Variants in PRR14L observed in about 807,000 individuals in gnomAD.
PRR14L encodes the protein protein PRR14L.
Under a neutral mutation model 155.0 loss-of-function variants are expected in PRR14L, and 80 were observed. That is an observed-to-expected ratio of 0.52 (90% CI 0.43 to 0.62). The LOEUF (loss-of-function observed/expected upper bound fraction) is 0.62. Ranked by LOEUF, PRR14L falls within the 20% of genes least tolerant of loss-of-function variation. PRR14L has a pLI of 0.00. For synonymous variants in PRR14L, 883 were observed against 916.0 expected (o/e 0.96, Z 0.65); for missense variants, 2,469 against 2,548.0 (o/e 0.97, Z 0.67).
intron 3 of PRR14L, among the ~76,000 whole-genome samples, chr22:31,720,397 G>A (rs131231): frequency 0.19 from 29,099 of 152,112 alleles, 3,545 homozygotes; most frequent in African/African-American, 0.34. Context: ...AAATTAGCCT[G>A]CTTTCCCTAT....
In PRR14L at chr22:31,716,714, T is replaced by G; in HGVS notation, c.1125A>C (p.Glu375Asp). ...EGGGLLKRSA[E>D]KTDSSYFYRG... The stretch of plus-strand genomic sequence containing the variant: ...TATAAAAATAAGAACTGTCTGTCTT[T>G]TCAGCAGATCTCTTTAGCAAACCAC... The change falls in exon 4 of 9, where the codon GAA becomes GAC. Residue 375 changes from glutamate (E) to aspartate (D), a missense_variant. Physicochemically the swap from Glu to Asp is conservative, Grantham distance 45 (BLOSUM62 2). Coordinates refer to ENST00000327423, the MANE Select transcript of PRR14L (RefSeq NM_173566.3). 1 of 1,551,824 alleles carries G rather than the reference T, an allele frequency of 6.4e-7. No individual in the cohort carries two copies. Among genetic ancestry groups the G allele is most frequent in the African/African-American group, 1.4e-5 (1 of 73,136 alleles).
Position 31,738,376 on chromosome 22 carries a change from T to G in PRR14L, c.474+11A>C. ...CACTCAACTCTTCGGAATGGAGATTTCATTTCTTACCTGACTCGGGCTAGT... is the reference window on the plus strand; with the variant it reads ...CACTCAACTCTTCGGAATGGAGATTGCATTTCTTACCTGACTCGGGCTAGT... On this transcript the variant is annotated intron_variant, in intron 2 of 8. Coordinates refer to ENST00000327423, the MANE Select transcript of PRR14L (RefSeq NM_173566.3). 6.5e-7 allele frequency: 1 copy of G among 1,547,726 alleles called. No homozygotes were observed. The highest frequency in any genetic ancestry group is 8.7e-7 in the Non-Finnish European group (1 of 1,143,656).
At chr22:31,733,909 CACACACACACACATACACCACACAA>C (rs929603889) in intron 2 of PRR14L, among the ~76,000 whole-genome samples, 34 of 152,066 alleles carry the variant, frequency 2.2e-4, no homozygotes, top group African/African-American at 7.5e-4. Flanking sequence ...CACCACCACA[CACACACACACACATACACCACACAA>C]ACACACACAC....
intron 7 of PRR14L, among the ~76,000 whole-genome samples, chr22:31,691,726 C>A (rs1447303817): frequency 6.6e-6 from 1 of 152,198 alleles, no homozygotes; most frequent in Non-Finnish European, 1.5e-5. Flanking sequence ...CTTTTCCTGG[C>A]TGAATAATAC....
Position 31,697,735 on chromosome 22 carries a change from A to G in PRR14L, c.6107+3921T>C, listed in dbSNP as rs181939549. On this transcript the variant is annotated intron_variant, in intron 7 of 8. Coordinates refer to ENST00000327423, the MANE Select transcript of PRR14L (RefSeq NM_173566.3). ...ACAAAAATTAGCTGGGCATGGTAGC[A>G]CATGCCTGTAGTCCCAGCTACTCAT... 1.9e-3 allele frequency among the ~76,000 whole-genome samples: 291 copies of G among 152,190 alleles called. 1 individual carries two copies. Among genetic ancestry groups the G allele is most frequent in the African/African-American group, 6.1e-3 (254 of 41,532 alleles).
At position 31,702,226 on chromosome 22, in the gene PRR14L, AT is replaced by A. The variant is rs544883876; in HGVS notation, c.6001-465del. On this transcript the variant is annotated intron_variant, in intron 6 of 8. Transcript: ENST00000327423. ...CACTTCTATTCCTGCTTTTTTTATT[AT>A]TTATTTATTTTTTTGATAGAGTTTT... is the stretch of plus-strand genomic sequence containing the variant. 1.5e-3 allele frequency among the ~76,000 whole-genome samples: 232 copies of A among 150,870 alleles called. 3 individuals carry two copies. The highest frequency in any genetic ancestry group is 9.9e-3 in the Admixed American group (151 of 15,208).
intron 1 of PRR14L, among the ~76,000 whole-genome samples, chr22:31,744,108 C>T (rs2074825966): frequency 6.7e-6 from 1 of 149,442 alleles, no homozygotes; most frequent in Admixed American, 6.7e-5. Flanking sequence ...ACCTTGAACT[C>T]CTTCTGCCTC....
intron 4 of PRR14L, among the ~76,000 whole-genome samples, chr22:31,710,509 G>A (rs780267768): frequency 2.7e-4 from 41 of 151,262 alleles, no homozygotes; most frequent in Non-Finnish European, 4.4e-4. Context: ...CTGGAGTGCC[G>A]TGGCGTGATC....
At chr22:31,717,742 T>G (rs2147865993) in intron 3 of PRR14L, among the ~76,000 whole-genome samples, 1 of 152,286 alleles carries the variant, frequency 6.6e-6, no homozygotes, top group Admixed American at 6.5e-5. Context: ...CAACTATACC[T>G]AAAACTTTAT....
chr22:31,711,107 G>A (rs934491613), intron 4 of PRR14L, among the ~76,000 whole-genome samples: 1 of 152,194 alleles, frequency 6.6e-6, no homozygotes, highest in Non-Finnish European at 1.5e-5. Flanking sequence ...TGTTACAAGC[G>A]ATTGTGTGTT....
chr22:31,737,681 T>C (rs1278835056), intron 2 of PRR14L, among the ~76,000 whole-genome samples: 1 of 151,596 alleles, frequency 6.6e-6, no homozygotes, highest in Admixed American at 6.6e-5. Context: ...CATAGCTCAC[T>C]ATTAGTCTCA....
At chr22:31,747,480 T>C (rs527287940) in intron 1 of PRR14L, among the ~76,000 whole-genome samples, 1 of 149,702 alleles carries the variant, frequency 6.7e-6, no homozygotes, top group South Asian at 2.1e-4. Flanking sequence ...TGCTCTCACA[T>C]ACTAGATGCA....
Position 31,716,329 on chromosome 22 carries a change from C to A in PRR14L, c.1510G>T (p.Gly504Cys). The A allele has an allele frequency of 1.3e-6, 2 of 1,551,590 alleles. No individual in the cohort carries two copies. Among genetic ancestry groups the A allele is most frequent in the Non-Finnish European group, 1.7e-6 (2 of 1,146,968 alleles). ...KETFTNMSHP[G>C]GHSEESSFSS... ...AAACTGCTTTCTTCAGAGTGTCCAC[C>A]AGGATGGCTCATATTAGTAAAAGTT... Residue 504 changes from glycine to cysteine, a missense_variant, in exon 4 of 9, where the codon GGT becomes TGT. Gly to Cys is a radical substitution (Grantham distance 159). This residue lies in a region of PRR14L where 2,363 missense variants were observed against 2,371.6 expected (regional missense o/e 1.00). Transcript: ENST00000327423.
At chr22:31,694,826 C>T in intron 7 of PRR14L, among the ~76,000 whole-genome samples, 1 of 150,538 alleles carries the variant, frequency 6.6e-6, no homozygotes. Flanking sequence ...GTGGCTCACG[C>T]CTATAATCCC....
chr22:31,748,943 G>A lies in PRR14L; in HGVS notation c.-52+1050C>T, dbSNP rs376381553. Among the ~76,000 whole-genome samples, 56 of 152,306 alleles carry A rather than the reference G, an allele frequency of 3.7e-4. No homozygotes were observed. The East Asian group carries it at 4.2e-3, about 12-fold the overall frequency. On this transcript the variant is annotated intron_variant, in intron 1 of 8. Coordinates refer to ENST00000327423, the MANE Select transcript of PRR14L (RefSeq NM_173566.3). Reference sequence around the variant, plus strand: ...CTCTTTCTCTAACCCCTAAGTGGGAGGGAGTCTTCCACTCCAGTGAGAAAG... The same window carrying A: ...CTCTTTCTCTAACCCCTAAGTGGGAAGGAGTCTTCCACTCCAGTGAGAAAG...
rs901487168 is a variant in PRR14L, at chr22:31,712,872, T to C, written c.4967A>G (p.Tyr1656Cys). The C allele has an allele frequency of 2.6e-6, 4 of 1,551,842 alleles. No individual in the cohort carries two copies. The highest frequency in any genetic ancestry group is 2.4e-5 in the South Asian group (2 of 84,072). Reference protein sequence around the residue: ...PMAKSYKRLRYKRLLDGFSSS... With the variant: ...PMAKSYKRLRCKRLLDGFSSS... The stretch of plus-strand genomic sequence containing the variant: ...TGAAAATCCGTCCAGGAGTCTTTTA[T>C]ATCTGAGGCGCTTGTAGCTTTTAGC... The change falls in exon 4 of 9, where the codon TAT (tyrosine) becomes TGT (cysteine). Residue 1656 changes from tyrosine (Y) to cysteine (C), a missense_variant. Around this residue, in one of 2 missense-constraint regions of PRR14L, gnomAD observed 2,363 missense variants for 2,371.6 expected, o/e 1.00. Coordinates refer to ENST00000327423, the MANE Select transcript of PRR14L (RefSeq NM_173566.3).
intron 7 of PRR14L, among the ~76,000 whole-genome samples, chr22:31,699,113 T>C (rs2074550518): frequency 6.6e-6 from 1 of 151,980 alleles, no homozygotes; most frequent in Non-Finnish European, 1.5e-5. Context: ...CTCGGCTCAC[T>C]GTAACCTCCG....
In PRR14L at chr22:31,744,182, G is replaced by A. The variant is rs569433191; in HGVS notation, c.-51-5271C>T. On this transcript the variant is annotated intron_variant, in intron 1 of 8. Transcript: ENST00000327423. ...AGTTTCGCTCTTGTTGCCCAGGCTGGAGTGCAACAGTGCGATCTTAGCTCA... is the reference window on the plus strand; with the variant it reads ...AGTTTCGCTCTTGTTGCCCAGGCTGAAGTGCAACAGTGCGATCTTAGCTCA... 7.9e-5 allele frequency among the ~76,000 whole-genome samples: 12 copies of A among 151,148 alleles called. No individual in the cohort carries two copies. In the East Asian group the frequency reaches 2.1e-3, roughly 27 times the overall value.
rs777182085 is a variant in PRR14L, at chr22:31,703,676, T to C, written c.5874A>G (p.Val1958=). ...FPALVPKSCL[V]AESAVSKLLL... Reference sequence around the variant, plus strand: ...GGAGCTTGCTGACAGCTGATTCTGCTACCAAGCAAGACTTTGGTACCAAGG... The same window carrying C: ...GGAGCTTGCTGACAGCTGATTCTGCCACCAAGCAAGACTTTGGTACCAAGG... Residue 1958 remains valine (V), a synonymous_variant, in exon 6 of 9, where the codon GTA becomes GTG. Coordinates refer to ENST00000327423, the MANE Select transcript of PRR14L (RefSeq NM_173566.3). 1 of 1,610,422 alleles carries C rather than the reference T, an allele frequency of 6.2e-7. No homozygotes were observed. The highest frequency in any genetic ancestry group is 8.5e-7 in the Non-Finnish European group (1 of 1,178,022).
Sources: gnomAD v4.1 joint callset for allele counts (sites outside exome capture counted in the v4.1 genomes callset) on GRCh38, gnomAD v4.1.1 for gene constraint, gnomAD v4.1.1 regional missense constraint, MANE v1.5 for transcripts, NCBI Gene and HGNC (gene_info 2026-07-23, HGNC 2026-07-21) for gene names.